RGS6: variants seen among roughly 807,000 people sequenced by gnomAD.
RGS6 encodes the protein regulator of G protein signaling 6.
Under a neutral mutation model 78.5 loss-of-function variants are expected in RGS6, and 30 were observed. That is an observed-to-expected ratio of 0.38 (90% CI 0.29 to 0.52). The LOEUF is 0.52. RGS6 is among the 20% of genes least tolerant of loss of function. The probability of loss-of-function intolerance (pLI) is 0.85; values close to 1 mark genes in which losing one functional copy is unlikely to be tolerated. For missense variants in RGS6, 495 were observed against 609.7 expected (o/e 0.81, Z 1.98); for synonymous variants, 206 against 206.0 (o/e 1.00, Z 0.00).
chr14:72,515,220 C>T (rs1204851716), intron 14 of RGS6, among the ~76,000 whole-genome samples: 2 of 151,598 alleles, frequency 1.3e-5, no homozygotes, highest in Non-Finnish European at 2.9e-5. Context: ...TTCCCCCTCT[C>T]CCTTCTTGCC....
intron 2 of RGS6, among the ~76,000 whole-genome samples, chr14:72,250,769 G>C (rs996672837): frequency 6.6e-6 from 1 of 152,204 alleles, no homozygotes; most frequent in African/African-American, 2.4e-5. Flanking sequence ...TACGTGAGCA[G>C]ATGGAACACA....
At chr14:72,135,583 G>C (rs775707345) in intron 2 of RGS6, among the ~76,000 whole-genome samples, 1 of 151,958 alleles carries the variant, frequency 6.6e-6, no homozygotes, top group Non-Finnish European at 1.5e-5. Flanking sequence ...GTAAGGAATA[G>C]TTAACAAAAT....
At chr14:72,523,404 G>T (rs1017311139) in intron 15 of RGS6, among the ~76,000 whole-genome samples, 1 of 152,158 alleles carries the variant, frequency 6.6e-6, no homozygotes, top group Admixed American at 6.5e-5. Context: ...GCTCTGGGTG[G>T]CTTCCTCAGC....
intron 2 of RGS6, among the ~76,000 whole-genome samples, chr14:72,337,345 A>G (rs1449881890): frequency 5.3e-5 from 8 of 151,414 alleles, no homozygotes; most frequent in Non-Finnish European, 1.0e-4. Flanking sequence ...CCGTGTTTCC[A>G]ATGCAGTGGT....
chr14:72,302,835 G>A (rs910081080), intron 2 of RGS6, among the ~76,000 whole-genome samples: 1 of 152,154 alleles, frequency 6.6e-6, no homozygotes, highest in Non-Finnish European at 1.5e-5. Context: ...TCCCACATGT[G>A]GTGGGAGGGA....
At chr14:71,882,069 C>G in the RGS6 span, among the ~76,000 whole-genome samples, 2 of 152,182 alleles carry the variant, frequency 1.3e-5, no homozygotes, top group African/African-American at 4.8e-5. Flanking sequence ...TTACGCCATC[C>G]CAGACTGAAA....
intron 2 of RGS6, among the ~76,000 whole-genome samples, chr14:72,250,617 A>G (rs559864279): frequency 1.3e-5 from 2 of 152,244 alleles, no homozygotes; most frequent in East Asian, 3.9e-4. Flanking sequence ...TCAATCTTGA[A>G]TAAACAGAGG....
At chr14:72,182,194 G>A (rs575417900) in intron 2 of RGS6, among the ~76,000 whole-genome samples, 24 of 152,138 alleles carry the variant, frequency 1.6e-4, no homozygotes, top group African/African-American at 3.9e-4. Context: ...CGGATCATGC[G>A]GTCAAGAGAT....
upstream of RGS6, among the ~76,000 whole-genome samples, chr14:71,929,225 G>T (rs2087765140): frequency 6.6e-6 from 1 of 152,146 alleles, no homozygotes; most frequent in African/African-American, 2.4e-5. Flanking sequence ...TGCCACAAAA[G>T]TCATTTATAG....
chr14:72,485,197 A>G (rs1163665252), intron 12 of RGS6, among the ~76,000 whole-genome samples: 2 of 152,188 alleles, frequency 1.3e-5, no homozygotes, highest in South Asian at 2.1e-4. Context: ...TATTGTTCCT[A>G]ATGGACTTCT....
chr14:72,333,504 C>T (rs1461408406), intron 2 of RGS6, among the ~76,000 whole-genome samples: 2 of 152,206 alleles, frequency 1.3e-5, no homozygotes, highest in East Asian at 1.9e-4. Flanking sequence ...CTCTCTGGCC[C>T]TCTTCTTTCT....
At chr14:72,618,892 G>A in the RGS6 span, among the ~76,000 whole-genome samples, 2 of 152,314 alleles carry the variant, frequency 1.3e-5, no homozygotes, top group South Asian at 4.1e-4. Context: ...CACGGGGGCT[G>A]TGCCAAGATT....
intron 5 of RGS6, among the ~76,000 whole-genome samples, chr14:72,458,687 G>A (rs2095697675): frequency 6.6e-6 from 1 of 152,190 alleles, no homozygotes; most frequent in South Asian, 2.1e-4. Context: ...GGTTGTGGAG[G>A]CTGGCAAGTC....
At position 72,186,798 on chromosome 14, in the gene RGS6, G is replaced by T. The variant is rs555797019; in HGVS notation, c.85-165297G>T. Among the ~76,000 whole-genome samples the T allele has an allele frequency of 5.3e-5, 8 of 152,220 alleles. No homozygotes were observed. The South Asian group carries it at 6.2e-4, about 12-fold the overall frequency. ...TGCTATTTAAACAGATGCTGATGCC[G>T]AATACATGTGTCCCAGCTTAAATGA... On this transcript the variant is annotated intron_variant, in intron 2 of 17. Coordinates refer to ENST00000553525, the MANE Select transcript of RGS6 (RefSeq NM_001204424.2).
chr14:72,220,309 G>T (rs1375920046), intron 2 of RGS6, among the ~76,000 whole-genome samples: 1 of 151,766 alleles, frequency 6.6e-6, no homozygotes, highest in African/African-American at 2.4e-5. Context: ...CATTATCCAT[G>T]CCTGGTTTCC....
the RGS6 span, among the ~76,000 whole-genome samples, chr14:72,612,993 C>CGTGTGTGTGT: frequency 0.012 from 1,752 of 148,926 alleles, 23 homozygotes; most frequent in East Asian, 0.028. Context: ...TTAAGTAGGG[C>CGTGTGTGTGT]GTGTGTGTGT....
chr14:71,990,061 A>G (rs1419995497), intron 2 of RGS6, among the ~76,000 whole-genome samples: 1 of 152,218 alleles, frequency 6.6e-6, no homozygotes, highest in Non-Finnish European at 1.5e-5. Context: ...AGAAGGTCAA[A>G]GGAGAAGTGA....
chr14:72,183,498 A>C (rs2153703002), intron 2 of RGS6, among the ~76,000 whole-genome samples: 1 of 152,332 alleles, frequency 6.6e-6, no homozygotes, highest in South Asian at 2.1e-4. Context: ...CTGGGTCTGC[A>C]GTGGTTTGAT....
At chr14:72,561,073 G>A (rs1005205293) in intron 17 of RGS6, among the ~76,000 whole-genome samples, 1 of 152,094 alleles carries the variant, frequency 6.6e-6, no homozygotes, top group Non-Finnish European at 1.5e-5. Context: ...CCTGTATCCA[G>A]CAAATCCACA....
Sources: allele counts gnomAD v4.1 joint callset (sites outside exome capture counted in the v4.1 genomes callset), GRCh38; gene constraint gnomAD v4.1.1; transcripts MANE v1.5; gene names NCBI Gene and HGNC (gene_info 2026-07-23, HGNC 2026-07-21).